TMEM117: variants seen among roughly 807,000 people sequenced by gnomAD.
The protein encoded by TMEM117 is transmembrane protein 117.
A neutral mutation model predicts 52.4 loss-of-function variants in TMEM117; 27 were observed. The ratio of observed to expected loss-of-function variants is 0.51; its 90% CI spans 0.38 to 0.71. The LOEUF (loss-of-function observed/expected upper bound fraction) is 0.71. TMEM117 is among the 30% of genes least tolerant of loss of function. The probability of loss-of-function intolerance (pLI) is 0.00; values close to 1 mark genes in which losing one functional copy is unlikely to be tolerated. For missense variants in TMEM117, 556 were observed against 630.5 expected, an observed-to-expected ratio of 0.88 and a Z score of 1.26; for synonymous variants, 215 against 206.3, an observed-to-expected ratio of 1.04 and a Z score of -0.36.
intron 3 of TMEM117, among the ~76,000 whole-genome samples, chr12:44,020,929 T>C (rs1416637862): frequency 6.6e-6 from 1 of 152,174 alleles, no homozygotes; most frequent in African/African-American, 2.4e-5. Context: ...ATAATAACTA[T>C]AGGGCTTGCA....
intron 7 of TMEM117, among the ~76,000 whole-genome samples, chr12:44,381,338 C>T (rs893212302): frequency 2.0e-5 from 3 of 152,180 alleles, no homozygotes; most frequent in Non-Finnish European, 4.4e-5. Context: ...TGCCCTCTTC[C>T]CCTTTACCTG....
intron 3 of TMEM117, among the ~76,000 whole-genome samples, chr12:44,033,053 C>T (rs1946658025): frequency 6.6e-6 from 1 of 152,122 alleles, no homozygotes; most frequent in African/African-American, 2.4e-5. Context: ...AAAATACAGG[C>T]CATAAAGACC....
intron 5 of TMEM117, among the ~76,000 whole-genome samples, chr12:44,212,983 T>A (rs889228648): frequency 6.6e-6 from 1 of 152,164 alleles, no homozygotes; most frequent in African/African-American, 2.4e-5. Context: ...TGAAAATGAA[T>A]ATGATTTTTT....
At chr12:44,311,179 G>GTATA (rs367612892) in intron 6 of TMEM117, among the ~76,000 whole-genome samples, 15 of 151,220 alleles carry the variant, frequency 9.9e-5, no homozygotes, top group African/African-American at 3.1e-4. Context: ...TTTTATGTGA[G>GTATA]TATATATATA....
At chr12:44,139,793 G>T (rs912790269) in intron 3 of TMEM117, among the ~76,000 whole-genome samples, 1 of 152,070 alleles carries the variant, frequency 6.6e-6, no homozygotes, top group African/African-American at 2.4e-5. Context: ...CAAATCAGTA[G>T]GTATATGAAA....
At chr12:44,114,654 T>C (rs919992630) in intron 3 of TMEM117, among the ~76,000 whole-genome samples, 3 of 152,154 alleles carry the variant, frequency 2.0e-5, no homozygotes, top group African/African-American at 7.2e-5. Context: ...AGGCCAATCA[T>C]ACTTACCACC....
rs768789395 is a variant in TMEM117 at position 43,944,300 on chromosome 12, C to G, written c.368C>G (p.Ser123Cys). ...ACAATTCTCTTTCTCTTCATATTTT[C>G]TCACATATACAACACGATTCTTCTA... ...FSTILFLFIFSHIYNTILLMD... is the reference protein window; with the variant it reads ...FSTILFLFIFCHIYNTILLMD... The change falls in exon 3 of 8, where the codon TCT becomes TGT. Residue 123 changes from serine (S) to cysteine (C), a missense_variant. Around this residue, in one of 3 missense-constraint regions of TMEM117, gnomAD observed 328 missense variants for 371.4 expected, o/e 0.88. Transcript: ENST00000266534. 6.2e-7 allele frequency: 1 copy of G among 1,612,968 alleles called. No homozygotes were observed. Among genetic ancestry groups the G allele is most frequent in the Non-Finnish European group, 8.5e-7 (1 of 1,179,130 alleles).
intron 6 of TMEM117, among the ~76,000 whole-genome samples, chr12:44,371,469 T>C (rs1397431892): frequency 6.6e-6 from 1 of 152,216 alleles, no homozygotes; most frequent in Admixed American, 6.5e-5. Context: ...AATCTATCTC[T>C]TAATTTCCTC....
At chr12:44,159,585 G>GC (rs1337688891) in intron 4 of TMEM117, among the ~76,000 whole-genome samples, 3 of 151,998 alleles carry the variant, frequency 2.0e-5, no homozygotes, top group Non-Finnish European at 4.4e-5. Flanking sequence ...TGAAGGCTTT[G>GC]CCCATTCATG....
At chr12:44,126,354 G>A (rs1428947496) in intron 3 of TMEM117, among the ~76,000 whole-genome samples, 2 of 152,110 alleles carry the variant, frequency 1.3e-5, no homozygotes, top group Non-Finnish European at 2.9e-5. Context: ...TACAATGCTT[G>A]GTTTAGTTTG....
chr12:43,913,832 A>G (rs1172363733), intron 2 of TMEM117, among the ~76,000 whole-genome samples: 1 of 152,142 alleles, frequency 6.6e-6, no homozygotes, highest in African/African-American at 2.4e-5. Flanking sequence ...AGAATATAAG[A>G]TATGTTTTAT....
chr12:43,873,319 AAAGTT>A (rs1592323780), intron 2 of TMEM117, among the ~76,000 whole-genome samples: 1 of 152,140 alleles, frequency 6.6e-6, no homozygotes, highest in Admixed American at 6.5e-5. Context: ...GATTATTTTA[AAAGTT>A]AAGTATTTGA....
chr12:44,017,840 AG>A (rs2054335931), intron 3 of TMEM117, among the ~76,000 whole-genome samples: 2 of 152,210 alleles, frequency 1.3e-5, no homozygotes, highest in Admixed American at 1.3e-4. Context: ...TGTTTTGGCT[AG>A]GCAAATGATA....
intron 4 of TMEM117, among the ~76,000 whole-genome samples, chr12:44,155,702 A>T (rs1181222933): frequency 6.6e-6 from 1 of 152,098 alleles, no homozygotes; most frequent in Admixed American, 6.6e-5. Flanking sequence ...TGAACCAGAG[A>T]TCGTGTTTCT....
chr12:43,917,980 T>C (rs1349200845), intron 2 of TMEM117, among the ~76,000 whole-genome samples: 1 of 152,188 alleles, frequency 6.6e-6, no homozygotes, highest in Non-Finnish European at 1.5e-5. Flanking sequence ...ACTAGTTTGT[T>C]AGACTGATTT....
intron 5 of TMEM117, among the ~76,000 whole-genome samples, chr12:44,229,334 G>T (rs1949904438): frequency 6.6e-6 from 1 of 152,058 alleles, no homozygotes; most frequent in African/African-American, 2.4e-5. Flanking sequence ...ATGTTAGATT[G>T]AGATGCCTAT....
At chr12:43,911,068 A>T (rs1944491539) in intron 2 of TMEM117, among the ~76,000 whole-genome samples, 1 of 41,264 alleles carries the variant, frequency 2.4e-5, no homozygotes, top group African/African-American at 4.3e-5. Context: ...ACAAAGCTGG[A>T]GGCATCACAC....
intron 3 of TMEM117, among the ~76,000 whole-genome samples, chr12:44,062,610 T>A (rs1482572161): frequency 6.6e-6 from 1 of 152,210 alleles, no homozygotes; most frequent in Non-Finnish European, 1.5e-5. Flanking sequence ...TGAGAAGGAC[T>A]TTTTTGATTA....
the TMEM117 span, among the ~76,000 whole-genome samples, chr12:43,821,399 G>A: frequency 6.6e-6 from 1 of 152,116 alleles, no homozygotes; most frequent in Non-Finnish European, 1.5e-5. Flanking sequence ...TCCTACCTCA[G>A]CTTCACAAGT....
Sources: allele counts gnomAD v4.1 joint callset (sites outside exome capture counted in the v4.1 genomes callset), GRCh38; gene constraint gnomAD v4.1.1; regional missense constraint gnomAD v4.1.1; transcripts MANE v1.5; gene names NCBI Gene and HGNC (gene_info 2026-07-23, HGNC 2026-07-21).